Variants in RNF220 observed in about 807,000 individuals in gnomAD.
RNF220 encodes the protein E3 ubiquitin-protein ligase RNF220.
RNF220 carries 7 observed loss-of-function variants against 67.1 expected under a neutral mutation model. The ratio of observed to expected loss-of-function variants is 0.10; its 90% CI spans 0.06 to 0.20. RNF220 has a LOEUF of 0.20. Among genes scored for constraint, RNF220 ranks in the 10% least tolerant of loss-of-function variants. The pLI is 1.00. For synonymous variants in RNF220, 270 were observed against 283.2 expected (o/e 0.95, Z 0.47); for missense variants, 565 against 740.3 (o/e 0.76, Z 2.75).
chr1:44,541,336 G>T (rs1478280149), intron 2 of RNF220, among the ~76,000 whole-genome samples: 4 of 152,204 alleles, frequency 2.6e-5, no homozygotes, highest in Admixed American at 1.3e-4. Flanking sequence ...GCTGAGATGG[G>T]AGAATCACTT....
intron 2 of RNF220, among the ~76,000 whole-genome samples, chr1:44,499,821 A>G (rs752466578): frequency 6.9e-6 from 1 of 145,364 alleles, no homozygotes; most frequent in Non-Finnish European, 1.5e-5. Flanking sequence ...CCTTATTCTA[A>G]CTGCACAGGA....
At chr1:44,572,941 A>C in intron 2 of RNF220, 1 of 371,082 alleles carries the variant, frequency 2.7e-6, no homozygotes, top group South Asian at 2.0e-5. Flanking sequence ...GGTGGAAATC[A>C]CGTTGAATGA....
intron 2 of RNF220, among the ~76,000 whole-genome samples, chr1:44,460,530 G>GA (rs942337510): frequency 1.1e-4 from 16 of 152,176 alleles, no homozygotes; most frequent in African/African-American, 2.9e-4. Context: ...CGAAGGGTAG[G>GA]AAAAAACAGG....
intron 2 of RNF220, among the ~76,000 whole-genome samples, chr1:44,451,414 A>C (rs571479508): frequency 6.6e-6 from 1 of 151,958 alleles, no homozygotes; most frequent in Non-Finnish European, 1.5e-5. Flanking sequence ...GATTATTTCT[A>C]TTTGTTCTGT....
chr1:44,650,839 G>T lies in RNF220; in HGVS notation c.*64G>T. On this transcript the variant is annotated 3_prime_UTR_variant, in exon 15 of 15. Coordinates refer to ENST00000361799, the MANE Select transcript of RNF220 (RefSeq NM_018150.4). This position sits in a 1 kb window ranked among gnomAD's most constrained non-coding sequence, Gnocchi z 4.3. ...ACCTGCCCCCAGCCTCTGTGACAGT[G>T]ACCGTCTCCCTTTGTACATACTTGC... 1.4e-6 allele frequency: 2 copies of T among 1,467,348 alleles called. No individual in the cohort carries two copies. Among genetic ancestry groups the T allele is most frequent in the South Asian group, 2.3e-5 (2 of 88,148 alleles). 90.9% of individuals were successfully genotyped at this position (1,467,348 alleles called of 1,614,324 possible).
At chr1:44,421,627 G>A (rs34750747) in intron 2 of RNF220, among the ~76,000 whole-genome samples, 1 of 95,696 alleles carries the variant, frequency 1.0e-5, no homozygotes, top group African/African-American at 3.8e-5. Context: ...TTAGCAGGGG[G>A]AAGGGGAGGG....
intron 8 of RNF220, chr1:44,643,382 C>G (rs1644541543): frequency 6.6e-6 from 1 of 152,186 alleles, no homozygotes. Context: ...TGTGCACATG[C>G]TTGGGGTTTA....
chr1:44,494,187 C>T (rs1348638963), intron 2 of RNF220, among the ~76,000 whole-genome samples: 2 of 108,412 alleles, frequency 1.8e-5, no homozygotes, highest in Non-Finnish European at 1.8e-5. Context: ...GCCTGGGCAA[C>T]AAGAGCAGAA....
At chr1:44,496,514 T>C (rs1478364184) in intron 2 of RNF220, among the ~76,000 whole-genome samples, 1 of 152,198 alleles carries the variant, frequency 6.6e-6, no homozygotes. Context: ...AGACTTAAAT[T>C]AATGAACCAC....
intron 2 of RNF220, among the ~76,000 whole-genome samples, chr1:44,544,379 G>A (rs1302310398): frequency 2.6e-5 from 4 of 152,182 alleles, no homozygotes; most frequent in Non-Finnish European, 5.9e-5. Flanking sequence ...ATCTTGGCAT[G>A]CTATTTAACC....
intron 2 of RNF220, among the ~76,000 whole-genome samples, chr1:44,462,615 T>C (rs994774423): frequency 1.2e-4 from 19 of 152,240 alleles, no homozygotes; most frequent in African/African-American, 3.9e-4. Context: ...CTATCAGTTA[T>C]AAACAAATTT....
At chr1:44,427,323 G>T (rs1649891826) in intron 2 of RNF220, among the ~76,000 whole-genome samples, 1 of 152,162 alleles carries the variant, frequency 6.6e-6, no homozygotes, top group African/African-American at 2.4e-5. Flanking sequence ...TGTTCACTGT[G>T]TGCCAGACAC....
chr1:44,451,970 C>A (rs529940246), intron 2 of RNF220, among the ~76,000 whole-genome samples: 11 of 152,174 alleles, frequency 7.2e-5, no homozygotes, highest in African/African-American at 2.4e-4. Flanking sequence ...TTGTGTTTTG[C>A]TTAGGAAGGG....
At position 44,603,672 on chromosome 1, in the gene RNF220, G is replaced by A. The variant is rs1006546027; in HGVS notation, c.626-10493G>A. Among the ~76,000 whole-genome samples the A allele has an allele frequency of 6.6e-5, 10 of 152,210 alleles. No individual in the cohort carries two copies. In the East Asian group the frequency reaches 1.2e-3, roughly 18 times the overall value. On this transcript the variant is annotated intron_variant, in intron 2 of 14. Coordinates refer to ENST00000361799, the MANE Select transcript of RNF220 (RefSeq NM_018150.4). Reference sequence around the variant, plus strand: ...GGGCTCCCCTCAGCCTTAGCAGCACGTGGCTGGCTGCTCACTCTCCCCACC... The same window carrying A: ...GGGCTCCCCTCAGCCTTAGCAGCACATGGCTGGCTGCTCACTCTCCCCACC...
At chr1:44,502,916 T>C (rs1658055501) in intron 2 of RNF220, among the ~76,000 whole-genome samples, 1 of 152,142 alleles carries the variant, frequency 6.6e-6, no homozygotes, top group South Asian at 2.1e-4. Flanking sequence ...TAGAAGCACG[T>C]TGTCATGCCT....
chr1:44,489,340 C>T (rs1425966220), intron 2 of RNF220, among the ~76,000 whole-genome samples: 1 of 152,178 alleles, frequency 6.6e-6, no homozygotes, highest in Admixed American at 6.5e-5. Context: ...TACACATTTC[C>T]GTATAACTAT....
intron 2 of RNF220, among the ~76,000 whole-genome samples, chr1:44,500,791 A>G (rs894797933): frequency 1.3e-4 from 19 of 149,986 alleles, no homozygotes; most frequent in African/African-American, 4.4e-4. Context: ...GGGAGTCTCT[A>G]AAGAGAGAGG....
intron 2 of RNF220, among the ~76,000 whole-genome samples, chr1:44,515,557 G>T (rs1659389697): frequency 6.6e-6 from 1 of 152,184 alleles, no homozygotes; most frequent in Non-Finnish European, 1.5e-5. Context: ...TAGGATGCCT[G>T]CTCTATTCCA....
chr1:44,580,276 T>A lies in RNF220; in HGVS notation c.626-33889T>A, dbSNP rs563763378. Among the ~76,000 whole-genome samples, 12 of 152,192 alleles carry A rather than the reference T, an allele frequency of 7.9e-5. 1 individual carries two copies. In the South Asian group the frequency reaches 2.5e-3, roughly 32 times the overall value. ...CCAGATGCTGTGCTTTTTTCCCCTT[T>A]TCCCACCATGACAATAGAAAATGGG... On this transcript the variant is annotated intron_variant, in intron 2 of 14. Transcript: ENST00000361799.
Sources: allele counts gnomAD v4.1 joint callset (sites outside exome capture counted in the v4.1 genomes callset), GRCh38; gene constraint gnomAD v4.1.1; non-coding constraint Gnocchi (gnomAD v3.1); transcripts MANE v1.5; gene names NCBI Gene and HGNC (gene_info 2026-07-23, HGNC 2026-07-21).